The following TSGA10 variants were observed in gnomAD, a reference collection of about 807,000 sequenced individuals.
The protein encoded by TSGA10 is testis-specific gene 10 protein.
In TSGA10, 43 loss-of-function variants were observed where a neutral mutation model predicts 96.6. The ratio of observed to expected loss-of-function variants is 0.44; its 90% CI spans 0.35 to 0.57. The LOEUF is 0.57. Among genes scored for constraint, TSGA10 ranks in the 20% least tolerant of loss-of-function variants. The probability of loss-of-function intolerance (pLI) is 0.01; values close to 1 mark genes in which losing one functional copy is unlikely to be tolerated. For synonymous variants in TSGA10, 229 were observed against 269.9 expected, an observed-to-expected ratio of 0.85 and a Z score of 1.48; for missense variants, 703 against 834.4, an observed-to-expected ratio of 0.84 and a Z score of 1.94.
intron 17 of TSGA10, among the ~76,000 whole-genome samples, chr2:99,029,516 G>T (rs1359284005): frequency 6.6e-6 from 1 of 152,110 alleles, no homozygotes; most frequent in Non-Finnish European, 1.5e-5. Flanking sequence ...TGGCAATATA[G>T]ATATTTTTGA....
chr2:99,028,103 G>T (rs2080804898), intron 17 of TSGA10, among the ~76,000 whole-genome samples: 1 of 152,164 alleles, frequency 6.6e-6, no homozygotes, highest in African/African-American at 2.4e-5. Context: ...GGATGCAATG[G>T]ATTTAGCCAG....
intron 4 of TSGA10, among the ~76,000 whole-genome samples, chr2:99,114,982 C>A (rs1407511821): frequency 6.6e-6 from 1 of 152,118 alleles, no homozygotes; most frequent in South Asian, 2.1e-4. Flanking sequence ...TTTGCTCAGG[C>A]TAGAGCGTGA....
chr2:99,131,628 T>A (rs766161897), intron 1 of TSGA10, among the ~76,000 whole-genome samples: 1 of 152,328 alleles, frequency 6.6e-6, no homozygotes, highest in South Asian at 2.1e-4. Context: ...TCTTGCCTGA[T>A]TGCCCTGGCC....
At chr2:99,013,872 G>C (rs964397502) in intron 20 of TSGA10, among the ~76,000 whole-genome samples, 1 of 151,846 alleles carries the variant, frequency 6.6e-6, no homozygotes, top group Non-Finnish European at 1.5e-5. Flanking sequence ...AAAAATTAAG[G>C]CTGGGCGCAG....
chr2:99,077,335 G>T (rs545091856), intron 12 of TSGA10, among the ~76,000 whole-genome samples: 1 of 151,468 alleles, frequency 6.6e-6, no homozygotes, highest in African/African-American at 2.4e-5. Flanking sequence ...ATAACATCTG[G>T]TACATGTCAA....
At chr2:99,047,978 C>G (rs548329270) in intron 16 of TSGA10, among the ~76,000 whole-genome samples, 12 of 152,222 alleles carry the variant, frequency 7.9e-5, no homozygotes, top group African/African-American at 2.6e-4. Flanking sequence ...ACAATTGCTT[C>G]AAAGAGAATA....
At chr2:99,130,315 C>G (rs115844007) in intron 1 of TSGA10, among the ~76,000 whole-genome samples, 1 of 152,026 alleles carries the variant, frequency 6.6e-6, no homozygotes, top group Non-Finnish European at 1.5e-5. Flanking sequence ...TTTTAATGAT[C>G]GCCATTCAAA....
intron 16 of TSGA10, among the ~76,000 whole-genome samples, chr2:99,055,451 G>C (rs924832298): frequency 2.0e-5 from 3 of 151,812 alleles, no homozygotes; most frequent in Non-Finnish European, 2.9e-5. Flanking sequence ...AAATTACTAA[G>C]AGGGTAGATC....
chr2:99,154,324 C>G (rs754925157), intron 1 of TSGA10: 4 of 152,238 alleles, frequency 2.6e-5, no homozygotes, highest in South Asian at 2.1e-4. Context: ...AATTTCCCAT[C>G]TCATGGAGTC....
Position 99,042,037 on chromosome 2 carries a change from C to G in TSGA10, c.1405-6598G>C, listed in dbSNP as rs79413082. Among the ~76,000 whole-genome samples, 22 of 138,158 alleles carry G rather than the reference C, an allele frequency of 1.6e-4. 1 individual carries two copies. Among genetic ancestry groups the G allele is most frequent in the Admixed American group, 1.0e-3 (13 of 12,964 alleles). 90.6% of individuals were successfully genotyped at this position (138,158 alleles called of 152,430 possible). ...GCACATGAATAGACAATTGCCCCCC[C>G]ACATTTTTTTTTTTTTTTTTTTTGA... is the stretch of plus-strand genomic sequence containing the variant. On this transcript the variant is annotated intron_variant, in intron 16 of 20. Transcript: ENST00000393483.
intron 16 of TSGA10, among the ~76,000 whole-genome samples, chr2:99,035,687 GA>G (rs200072344): frequency 7.5e-5 from 11 of 146,354 alleles, no homozygotes; most frequent in Non-Finnish European, 1.2e-4. Flanking sequence ...ATGTACTTAG[GA>G]AAAAAAAACC....
intron 16 of TSGA10, among the ~76,000 whole-genome samples, chr2:99,037,571 G>A (rs545455112): frequency 2.0e-4 from 31 of 152,220 alleles, no homozygotes; most frequent in South Asian, 1.0e-3. Context: ...TAACCTGGCC[G>A]GGTGTGGTGG....
At chr2:99,071,281 AG>A (rs1183244474) in intron 14 of TSGA10, among the ~76,000 whole-genome samples, 2 of 152,274 alleles carry the variant, frequency 1.3e-5, no homozygotes, top group Non-Finnish European at 2.9e-5. Context: ...TAATTATAAG[AG>A]GAACTTTCCT....
At chr2:99,020,625 T>G in intron 17 of TSGA10, 143 bp from the exon 18 acceptor site, 1 of 608,794 alleles carries the variant, frequency 1.6e-6, no homozygotes, top group Admixed American at 2.8e-5. Flanking sequence ...CCCTCCTTCT[T>G]ACCAAATAAA....
intron 12 of TSGA10, among the ~76,000 whole-genome samples, chr2:99,076,868 C>A (rs1354724942): frequency 6.6e-6 from 1 of 152,082 alleles, no homozygotes; most frequent in East Asian, 1.9e-4. Flanking sequence ...TCAGTGACTA[C>A]TATCTAGTCA....
At position 99,149,785 on chromosome 2, in the gene TSGA10, CTT is replaced by C. The variant is rs70940143; in HGVS notation, c.-621+4906_-621+4907del. ...ACTAGACATCCTTAATCACAAGTAT[CTT>C]TTTTTTTTTTTTTTTTTTTTTTAAG... is the stretch of plus-strand genomic sequence containing the variant. On this transcript the variant is annotated intron_variant, in intron 1 of 20. Coordinates refer to ENST00000393483, the MANE Select transcript of TSGA10 (RefSeq NM_025244.4). Among the ~76,000 whole-genome samples the C allele has an allele frequency of 2.0e-3, 230 of 112,392 alleles. 18 individuals carry two copies. Among genetic ancestry groups the C allele is most frequent in the East Asian group, 8.4e-3 (32 of 3,820 alleles). 73.7% of individuals were successfully genotyped at this position (112,392 alleles called of 152,430 possible). A position where few individuals can be genotyped will look rare whatever the true frequency, so the allele number is the denominator to read the frequency against.
At chr2:99,039,220 G>C (rs1191770733) in intron 16 of TSGA10, among the ~76,000 whole-genome samples, 3 of 149,080 alleles carry the variant, frequency 2.0e-5, no homozygotes, top group African/African-American at 7.4e-5. Flanking sequence ...ACACCTCAAG[G>C]AACTAGAGAA....
intron 4 of TSGA10, among the ~76,000 whole-genome samples, chr2:99,111,203 T>C (rs910488961): frequency 5.9e-5 from 9 of 152,094 alleles, no homozygotes; most frequent in Admixed American, 2.0e-4. Context: ...TAGTACTAAT[T>C]ACAATTCTGA....
chr2:99,072,457 A>C (rs2086092133), intron 13 of TSGA10, among the ~76,000 whole-genome samples: 1 of 152,138 alleles, frequency 6.6e-6, no homozygotes, highest in Non-Finnish European at 1.5e-5. Flanking sequence ...TTCTCCTCAT[A>C]CTTTCTTCAT....
Sources: allele counts gnomAD v4.1 joint callset (sites outside exome capture counted in the v4.1 genomes callset), GRCh38; gene constraint gnomAD v4.1.1; transcripts MANE v1.5; gene names NCBI Gene and HGNC (gene_info 2026-07-23, HGNC 2026-07-21).